The following OTUD7B variants were observed in gnomAD, a reference collection of about 807,000 sequenced individuals.
The protein encoded by OTUD7B is OTU domain-containing protein 7B.
OTUD7B carries 34 observed loss-of-function variants against 82.2 expected under a neutral mutation model. The observed-to-expected ratio is 0.41, with a 90% CI of 0.31 to 0.55. The LOEUF (loss-of-function observed/expected upper bound fraction) is 0.55. Ranked by LOEUF, OTUD7B falls within the 20% of genes least tolerant of loss-of-function variation. OTUD7B has a pLI of 0.20. For synonymous variants in OTUD7B, 398 were observed against 402.7 expected (o/e 0.99, Z 0.14); for missense variants, 944 against 1,062.1 (o/e 0.89, Z 1.55).
chr1:150,064,940 T>C, the OTUD7B span, among the ~76,000 whole-genome samples: 1 of 152,230 alleles, frequency 6.6e-6, no homozygotes, highest in East Asian at 1.9e-4. Context: ...GGGAAAATCA[T>C]GATTTTGATT....
chr1:150,042,328 A>G, the OTUD7B span, among the ~76,000 whole-genome samples: 1 of 151,232 alleles, frequency 6.6e-6, no homozygotes, highest in African/African-American at 2.4e-5. Context: ...GCCCACCACC[A>G]CACCCAGCTA....
intron 1 of OTUD7B, among the ~76,000 whole-genome samples, chr1:149,992,465 G>GTTT (rs1651639050): frequency 8.7e-5 from 4 of 45,946 alleles, no homozygotes; most frequent in African/African-American, 1.2e-4. Context: ...TTGTGTGCAT[G>GTTT]TGTTTTTTTT....
chr1:150,035,957 G>GTT, the OTUD7B span, among the ~76,000 whole-genome samples: 44,022 of 134,146 alleles, frequency 0.33, 9,319 homozygotes, highest in African/African-American at 0.54. Flanking sequence ...CATTGTAACT[G>GTT]TTTTTTTTTT....
intron 1 of OTUD7B, among the ~76,000 whole-genome samples, chr1:150,009,837 C>G (rs782090897): frequency 1.2e-4 from 18 of 152,090 alleles, no homozygotes; most frequent in Non-Finnish European, 2.1e-4. Flanking sequence ...CCGGCTTACT[C>G]ATCATCAGCT....
upstream of OTUD7B, among the ~76,000 whole-genome samples, chr1:150,011,072 C>A (rs1387101399): frequency 6.6e-6 from 1 of 152,138 alleles, no homozygotes; most frequent in African/African-American, 2.4e-5. Context: ...GAAAATACTT[C>A]AGAATGAAAA....
chr1:150,032,007 G>C, the OTUD7B span, among the ~76,000 whole-genome samples: 12 of 152,120 alleles, frequency 7.9e-5, no homozygotes, highest in African/African-American at 2.9e-4. Flanking sequence ...ATTTGCTTTT[G>C]TCACTTAAAA....
At chr1:149,974,089 G>A (rs782267323) in intron 2 of OTUD7B, among the ~76,000 whole-genome samples, 1 of 151,782 alleles carries the variant, frequency 6.6e-6, no homozygotes, top group Non-Finnish European at 1.5e-5. Context: ...GAACTCAACG[G>A]AGTCTCGTTC....
intron 1 of OTUD7B, among the ~76,000 whole-genome samples, chr1:149,981,782 C>G (rs587631896): frequency 6.6e-6 from 1 of 152,328 alleles, no homozygotes; most frequent in African/African-American, 2.4e-5. Context: ...ACTTCCACTT[C>G]CAGACCATCT....
Position 150,006,960 on chromosome 1 carries a change from C to T in OTUD7B, c.-67+3488G>A, listed in dbSNP as rs368722313. Among the ~76,000 whole-genome samples the T allele has an allele frequency of 1.5e-4, 23 of 152,316 alleles. No homozygotes were observed. In the East Asian group the frequency reaches 2.7e-3, roughly 18 times the overall value. ...AGGGCTCAATATTTCTCATTAAATC[C>T]GTCCTTTGTTCAAGGACCTACAATG... On this transcript the variant is annotated intron_variant, in intron 1 of 11. Transcript: ENST00000581312.
the OTUD7B span, among the ~76,000 whole-genome samples, chr1:150,018,008 T>C: frequency 6.6e-6 from 1 of 152,172 alleles, no homozygotes; most frequent in East Asian, 1.9e-4. Context: ...CCCATGTTGC[T>C]TATGGTCTAT....
chr1:149,967,168 A>T (rs1208739619), intron 4 of OTUD7B, 126 bp downstream of exon 4: 6 of 600,194 alleles, frequency 1.0e-5, no homozygotes, highest in Non-Finnish European at 1.5e-5. Flanking sequence ...TATCCCACTG[A>T]CTCCTGACTT....
rs1647546967 is a variant in OTUD7B at position 149,944,525 on chromosome 1, G to C, written c.1864C>G (p.Gln622Glu). 6.2e-7 allele frequency: 1 copy of C among 1,614,086 alleles called. No individual in the cohort carries two copies. Among genetic ancestry groups the C allele is most frequent in the African/African-American group, 1.3e-5 (1 of 75,002 alleles). The part of the protein sequence containing the change: ...VGTLKMGHRH[Q>E]YQEEMIQRYL... ...CGCTGGATCATTTCCTCCTGATACT[G>C]GTGACGGTGACCCATCTTCAGGGTT... is the stretch of plus-strand genomic sequence containing the variant. Residue 622 changes from glutamine (Q) to glutamate (E), a missense_variant, in exon 12 of 12, where the codon CAG becomes GAG. Gln to Glu is a conservative substitution (Grantham distance 29). Coordinates refer to ENST00000581312, the MANE Select transcript of OTUD7B (RefSeq NM_020205.4).
chr1:149,996,184 T>G (rs1651910195), intron 1 of OTUD7B, among the ~76,000 whole-genome samples: 1 of 152,164 alleles, frequency 6.6e-6, no homozygotes, highest in African/African-American at 2.4e-5. Flanking sequence ...AACAACATTC[T>G]CCTAGTTCTC....
rs183643196 is a variant in OTUD7B, at chr1:149,959,874, A to T, written c.733-78T>A. The stretch of plus-strand genomic sequence containing the variant: ...AGGCAATACCTATTCCACCTTATTC[A>T]CTGTTACTTACTCCCTAATCCCTTA... On this transcript the variant is annotated intron_variant, in intron 6 of 11. Coordinates refer to ENST00000581312, the MANE Select transcript of OTUD7B (RefSeq NM_020205.4). 1.1e-5 allele frequency: 9 copies of T among 850,696 alleles called. No individual in the cohort carries two copies. The East Asian group carries it at 2.2e-4, about 21-fold the overall frequency. The allele number at this position is 850,696 out of a possible 1,614,324, so 52.7% of individuals were successfully genotyped here. A position where few individuals can be genotyped will look rare whatever the true frequency, so the allele number is the denominator to read the frequency against.
At chr1:150,050,314 T>A in the OTUD7B span, among the ~76,000 whole-genome samples, 1 of 152,016 alleles carries the variant, frequency 6.6e-6, no homozygotes, top group Admixed American at 6.6e-5. Context: ...ATGAATAAAA[T>A]TTAAACAATA....
the OTUD7B span, among the ~76,000 whole-genome samples, chr1:150,060,268 C>T: frequency 6.6e-6 from 1 of 152,120 alleles, no homozygotes; most frequent in African/African-American, 2.4e-5. Context: ...CCTTCAGTAT[C>T]TCTGTATGGG....
the OTUD7B span, among the ~76,000 whole-genome samples, chr1:150,033,456 T>G: frequency 6.6e-6 from 1 of 152,124 alleles, no homozygotes; most frequent in Non-Finnish European, 1.5e-5. Context: ...ACTATAGCCA[T>G]CAATATTATC....
At position 149,942,434 on chromosome 1, in the gene OTUD7B, G is replaced by A. The variant is rs1268868012; in HGVS notation, c.*1423C>T. The A allele has an allele frequency of 2.6e-5, 4 of 152,516 alleles. No individual in the cohort carries two copies. Among genetic ancestry groups the A allele is most frequent in the Admixed American group, 6.6e-5 (1 of 15,264 alleles). The allele number at this position is 152,516 out of a possible 1,614,324, so 9.4% of individuals were successfully genotyped here. A position where few individuals can be genotyped will look rare whatever the true frequency, so the allele number is the denominator to read the frequency against. On this transcript the variant is annotated 3_prime_UTR_variant, in exon 12 of 12. Coordinates refer to ENST00000581312, the MANE Select transcript of OTUD7B (RefSeq NM_020205.4). ...CAGACTTGTGCTTTGTGCAAAATGC[G>A]AAGGAGCTCCCCCTACTGTGTCCGC...
chr1:149,991,666 C>T (rs1571708933), intron 1 of OTUD7B, among the ~76,000 whole-genome samples: 1 of 152,196 alleles, frequency 6.6e-6, no homozygotes, highest in East Asian at 1.9e-4. Context: ...AGTGACTTGT[C>T]CAAATTCAAA....
Sources: gnomAD v4.1 joint callset for allele counts (sites outside exome capture counted in the v4.1 genomes callset) on GRCh38, gnomAD v4.1.1 for gene constraint, MANE v1.5 for transcripts, NCBI Gene and HGNC (gene_info 2026-07-23, HGNC 2026-07-21) for gene names.